The following SHISA5 variants were observed in gnomAD, a reference collection of about 807,000 sequenced individuals.
SHISA5 encodes the protein shisa family member 5.
A neutral mutation model predicts 27.5 loss-of-function variants in SHISA5; 21 were observed. The observed-to-expected ratio is 0.76, with a 90% CI of 0.54 to 1.10. The LOEUF (loss-of-function observed/expected upper bound fraction) is 1.10. Among genes scored for constraint, SHISA5 ranks in the 50% least tolerant of loss-of-function variants. The pLI, the probability that SHISA5 is intolerant of heterozygous loss-of-function variation, is 0.00. For synonymous variants in SHISA5, 137 were observed against 142.2 expected (o/e 0.96, Z 0.26); for missense variants, 314 against 336.3 (o/e 0.93, Z 0.52).
chr3:48,478,731 A>G (rs2040903464), intron 3 of SHISA5, among the ~76,000 whole-genome samples: 1 of 152,068 alleles, frequency 6.6e-6, no homozygotes, highest in South Asian at 2.1e-4. Context: ...CCCCACCGTT[A>G]TCACCCCAAT....
intron 2 of SHISA5, among the ~76,000 whole-genome samples, chr3:48,490,890 G>A (rs924023715): frequency 2.0e-5 from 3 of 152,054 alleles, no homozygotes; most frequent in Admixed American, 1.3e-4. Context: ...GGAAACATTT[G>A]TCATCTATTG....
chr3:48,503,886 G>A, intron 1 of SHISA5, 133 bp downstream of exon 1: 2 of 1,312,946 alleles, frequency 1.5e-6, no homozygotes, highest in Non-Finnish European at 1.9e-6. Context: ...GGGGTTCGCT[G>A]ACGGCCTCGG....
chr3:48,473,713 T>G lies in SHISA5; in HGVS notation c.315-3870A>C, dbSNP rs1276117745. The G allele has an allele frequency of 1.8e-6, 1 of 542,160 alleles. No homozygotes were observed. The highest frequency in any genetic ancestry group is 6.4e-5 in the Admixed American group (1 of 15,702). 33.6% of individuals were successfully genotyped at this position (542,160 alleles called of 1,614,324 possible). A position where few individuals can be genotyped will look rare whatever the true frequency, so the allele number is the denominator to read the frequency against. ...CAAAGGAATTTGCTTTATAATTACA[T>G]GTTAAACTGAGTGTGTCTGTGCTTT... On this transcript the variant is annotated intron_variant, in intron 3 of 5. Coordinates refer to ENST00000296444, the MANE Select transcript of SHISA5 (RefSeq NM_016479.6). This position sits in a 1 kb window ranked among gnomAD's most constrained non-coding sequence, Gnocchi z 4.3.
intron 3 of SHISA5, among the ~76,000 whole-genome samples, chr3:48,478,368 C>G (rs558056905): frequency 2.5e-4 from 38 of 152,292 alleles, no homozygotes; most frequent in South Asian, 4.1e-4. Flanking sequence ...CCAAGCCCCC[C>G]ACTCAGGCCC....
chr3:48,486,607 T>G (rs910901784), intron 2 of SHISA5, among the ~76,000 whole-genome samples: 1 of 134,100 alleles, frequency 7.5e-6, no homozygotes, highest in African/African-American at 2.8e-5. Context: ...ATTATATATA[T>G]ATTATAATAG....
chr3:48,503,587 G>T, intron 1 of SHISA5: 2 of 523,414 alleles, frequency 3.8e-6, no homozygotes, highest in Admixed American at 5.0e-5. Flanking sequence ...GGCTCTACAG[G>T]AACACAAGGG....
intron 3 of SHISA5, 121 bp downstream of exon 3, chr3:48,479,056 A>C (rs1418199523): frequency 2.4e-6 from 2 of 843,634 alleles, no homozygotes; most frequent in Non-Finnish European, 3.8e-6. Flanking sequence ...ATATGGTGAC[A>C]GTTTCTTGGG....
intron 1 of SHISA5, chr3:48,503,019 G>A (rs1560137477): frequency 9.5e-7 from 1 of 1,057,876 alleles, no homozygotes; most frequent in Non-Finnish European, 1.3e-6. Flanking sequence ...GCAGCTCCAG[G>A]CAGAACCCTG....
chr3:48,475,638 T>C (rs2040799799), intron 3 of SHISA5, among the ~76,000 whole-genome samples: 1 of 152,196 alleles, frequency 6.6e-6, no homozygotes, highest in South Asian at 2.1e-4. Flanking sequence ...CCTCTCTCCC[T>C]TTCCCCTGCA....
At chr3:48,492,601 G>C (rs1357067257) in intron 2 of SHISA5, among the ~76,000 whole-genome samples, 1 of 148,052 alleles carries the variant, frequency 6.8e-6, no homozygotes, top group Non-Finnish European at 1.5e-5. Flanking sequence ...AATGTTCGGA[G>C]GTGAGCAGGT....
At chr3:48,503,887 A>C in intron 1 of SHISA5, 132 bp downstream of exon 1, 1 of 1,308,978 alleles carries the variant, frequency 7.6e-7, no homozygotes, top group Non-Finnish European at 9.7e-7. Context: ...GGGTTCGCTG[A>C]CGGCCTCGGG....
At chr3:48,481,499 AT>A (rs1304939477) in intron 2 of SHISA5, among the ~76,000 whole-genome samples, 2 of 152,080 alleles carry the variant, frequency 1.3e-5, no homozygotes, top group Non-Finnish European at 2.9e-5. Context: ...TTTAAAAGTA[AT>A]GGAAAATGTG....
At position 48,468,304 on chromosome 3, in the gene SHISA5, G is replaced by A; in HGVS notation, c.*803C>T. On this transcript the variant is annotated 3_prime_UTR_variant, in exon 6 of 6. Coordinates refer to ENST00000296444, the MANE Select transcript of SHISA5 (RefSeq NM_016479.6). ...AGGGAAGAGAACTGAGTGTGCTGGT[G>A]GACAGGAGCCCTGCTCACCTGTGGG... 5 of 1,025,870 alleles carry A rather than the reference G, an allele frequency of 4.9e-6. No homozygotes were observed. Among genetic ancestry groups the A allele is most frequent in the Non-Finnish European group, 5.9e-6 (5 of 854,174 alleles). 63.5% of individuals were successfully genotyped at this position (1,025,870 alleles called of 1,614,324 possible).
chr3:48,492,872 G>A lies in SHISA5; in HGVS notation c.233+8265C>T, dbSNP rs1031562459. 1.8e-4 allele frequency among the ~76,000 whole-genome samples: 27 copies of A among 147,372 alleles called. 3 individuals carry two copies. The highest frequency in any genetic ancestry group is 1.9e-4 in the Non-Finnish European group (13 of 67,848). ...TTTCAGCCTCCACAAACAGGGAAAG[G>A]CCACGTGAGGACATAACCAGGAAGA... is the stretch of plus-strand genomic sequence containing the variant. On this transcript the variant is annotated intron_variant, in intron 2 of 5. Transcript: ENST00000296444.
rs1333434768 is a variant in SHISA5 at position 48,469,488 on chromosome 3, TG to T, written c.515del (p.Pro172GlnfsTer87). 1.9e-6 allele frequency: 3 copies of T among 1,613,764 alleles called. No homozygotes were observed. The highest frequency in any genetic ancestry group is 2.5e-6 in the Non-Finnish European group (3 of 1,179,916). On this transcript the variant is annotated frameshift_variant, in exon 5 of 6. Coordinates refer to ENST00000296444, the MANE Select transcript of SHISA5 (RefSeq NM_016479.6). LOFTEE classifies it high-confidence loss of function. The surrounding 1 kb of genome is among the most constrained non-coding windows in gnomAD (Gnocchi z 4.6). ...PPSVPPSYPG[P>X]SYQGYHTMPP... ...GCATGGTGTGGTAGCCCTGGTAGCT[TG>T]GTCCAGGGTAGCTGGGCGGCACACT...
intron 3 of SHISA5, among the ~76,000 whole-genome samples, chr3:48,475,750 G>A (rs531260059): frequency 2.6e-5 from 4 of 152,312 alleles, no homozygotes; most frequent in African/African-American, 4.8e-5. Context: ...AGTCTTGCCC[G>A]ACAGTCCTGT....
chr3:48,478,228 G>A (rs1482533693), intron 3 of SHISA5, among the ~76,000 whole-genome samples: 3 of 152,172 alleles, frequency 2.0e-5, no homozygotes, highest in South Asian at 4.1e-4. Flanking sequence ...CAGCCCTGAG[G>A]TGTTGAGGAG....
intron 2 of SHISA5, among the ~76,000 whole-genome samples, chr3:48,490,364 C>A (rs2041386007): frequency 6.6e-6 from 1 of 152,256 alleles, no homozygotes; most frequent in Non-Finnish European, 1.5e-5. Flanking sequence ...TGAGCCACTG[C>A]ACCTGGCCGG....
chr3:48,471,027 CTTTTT>C (rs1279062580), intron 3 of SHISA5, among the ~76,000 whole-genome samples: 2 of 151,740 alleles, frequency 1.3e-5, no homozygotes, highest in Admixed American at 6.6e-5. Context: ...CATTCTTTTT[CTTTTT>C]TAATTTATTT....
Sources: allele counts gnomAD v4.1 joint callset (sites outside exome capture counted in the v4.1 genomes callset), GRCh38; gene constraint gnomAD v4.1.1; non-coding constraint Gnocchi (gnomAD v3.1); transcripts MANE v1.5; gene names NCBI Gene and HGNC (gene_info 2026-07-23, HGNC 2026-07-21).